Variants in CLYBL observed in about 807,000 individuals in gnomAD.
CLYBL encodes citramalyl-CoA lyase, mitochondrial.
In CLYBL, 31 loss-of-function variants were observed where a neutral mutation model predicts 38.9. The ratio of observed to expected loss-of-function variants is 0.80; its 90% CI spans 0.60 to 1.08. The LOEUF (loss-of-function observed/expected upper bound fraction) is 1.08. Ranked by LOEUF, CLYBL falls within the 50% of genes least tolerant of loss-of-function variation. The pLI, the probability that CLYBL is intolerant of heterozygous loss-of-function variation, is 0.00. For missense variants in CLYBL, 434 were observed against 411.6 expected (o/e 1.05, Z -0.47); for synonymous variants, 171 against 158.6 (o/e 1.08, Z -0.59).
intron 2 of CLYBL, among the ~76,000 whole-genome samples, chr13:99,786,513 A>G (rs567922188): frequency 1.1e-4 from 17 of 152,034 alleles, no homozygotes; most frequent in South Asian, 4.1e-4. Flanking sequence ...AGCTTCATCC[A>G]TGTCCCTACA....
Position 99,754,782 on chromosome 13 carries a change from C to T in CLYBL, c.63-18042C>T, listed in dbSNP as rs552582833. 5.7e-4 allele frequency among the ~76,000 whole-genome samples: 75 copies of T among 131,242 alleles called. 1 individual carries two copies. The highest frequency in any genetic ancestry group is 2.5e-3 in the East Asian group (11 of 4,332). 86.1% of individuals were successfully genotyped at this position (131,242 alleles called of 152,430 possible). A position where few individuals can be genotyped will look rare whatever the true frequency, so the allele number is the denominator to read the frequency against. On this transcript the variant is annotated intron_variant, in intron 1 of 8. Coordinates refer to ENST00000339105, the MANE Select transcript of CLYBL (RefSeq NM_206808.5). ...TTTTTTTTTGTATTATTAGTAGAGA[C>T]GGGGTTTTACCGTGTTGGCCAGACT...
chr13:99,891,731 TGG>T (rs2052495404), intron 8 of CLYBL: 1 of 236,676 alleles, frequency 4.2e-6, no homozygotes, highest in Non-Finnish European at 8.2e-6. Context: ...TTTAATGAAA[TGG>T]ATCTTTCCCA....
chr13:99,669,662 T>TC (rs2047535866), intron 1 of CLYBL, among the ~76,000 whole-genome samples: 1 of 152,164 alleles, frequency 6.6e-6, no homozygotes, highest in African/African-American at 2.4e-5. Context: ...TCTTTTTCAT[T>TC]TCCCATGAAG....
At chr13:99,772,713 A>G (rs2049421990) in intron 1 of CLYBL, 111 bp from the exon 2 acceptor site, 1 of 941,694 alleles carries the variant, frequency 1.1e-6, no homozygotes, top group African/African-American at 1.7e-5. Context: ...ATAAAAATAA[A>G]AAAAGATTAT....
intron 1 of CLYBL, among the ~76,000 whole-genome samples, chr13:99,697,489 C>T (rs575128953): frequency 1.3e-5 from 2 of 151,836 alleles, no homozygotes; most frequent in South Asian, 2.1e-4. Flanking sequence ...TGATTCTCCC[C>T]ACTCAGTAGC....
intron 2 of CLYBL, among the ~76,000 whole-genome samples, chr13:99,811,288 C>A (rs1222576884): frequency 1.3e-5 from 2 of 152,128 alleles, no homozygotes; most frequent in East Asian, 3.9e-4. Flanking sequence ...CCTAGGAGAC[C>A]AAAAATGCAT....
At chr13:99,864,391 A>G (rs1594231119) in intron 4 of CLYBL, among the ~76,000 whole-genome samples, 1 of 152,300 alleles carries the variant, frequency 6.6e-6, no homozygotes, top group East Asian at 1.9e-4. Context: ...GCTGTCTTTA[A>G]TCCTGAGACC....
chr13:99,909,222 C>G (rs9582353), exon 10 of CLYBL, among the ~76,000 whole-genome samples: 1 of 152,214 alleles, frequency 6.6e-6, no homozygotes, highest in Non-Finnish European at 1.5e-5. Context: ...CACGAAGACT[C>G]TGTTATTAGA....
intron 2 of CLYBL, among the ~76,000 whole-genome samples, chr13:99,805,577 GA>G (rs941048259): frequency 1.3e-5 from 2 of 152,034 alleles, no homozygotes; most frequent in African/African-American, 4.8e-5. Context: ...TGGGAGGAAG[GA>G]GGGGGTGGGG....
chr13:99,747,389 C>G (rs1472555248), intron 1 of CLYBL, among the ~76,000 whole-genome samples: 1 of 151,838 alleles, frequency 6.6e-6, no homozygotes, highest in Non-Finnish European at 1.5e-5. Flanking sequence ...TCCTCCTTGC[C>G]TCCTGCCGCT....
intron 2 of CLYBL, among the ~76,000 whole-genome samples, chr13:99,808,294 C>T (rs2050272232): frequency 6.6e-6 from 1 of 152,202 alleles, no homozygotes; most frequent in South Asian, 2.1e-4. Flanking sequence ...CTGTGTTGCC[C>T]AGACTGGTCT....
At chr13:99,635,469 T>G (rs112604229) in intron 1 of CLYBL, among the ~76,000 whole-genome samples, 29 of 152,176 alleles carry the variant, frequency 1.9e-4, no homozygotes, top group African/African-American at 6.3e-4. Flanking sequence ...TGAGGTCAGG[T>G]CTGGCCATTC....
intron 1 of CLYBL, among the ~76,000 whole-genome samples, chr13:99,763,818 G>T (rs1181979438): frequency 6.6e-6 from 1 of 152,134 alleles, no homozygotes; most frequent in Non-Finnish European, 1.5e-5. Flanking sequence ...CTCCCAAAGT[G>T]CTGGGATTAC....
chr13:99,692,522 G>T (rs1397761020), intron 1 of CLYBL, among the ~76,000 whole-genome samples: 1 of 151,970 alleles, frequency 6.6e-6, no homozygotes, highest in Non-Finnish European at 1.5e-5. Context: ...TTGATCTCCT[G>T]ACCTTATGAT....
intron 2 of CLYBL, among the ~76,000 whole-genome samples, chr13:99,805,524 C>G (rs982291218): frequency 1.3e-5 from 2 of 151,886 alleles, no homozygotes; most frequent in African/African-American, 4.8e-5. Context: ...CTTCTACCAT[C>G]CCAGTGTGCC....
intron 1 of CLYBL, among the ~76,000 whole-genome samples, chr13:99,631,881 G>C (rs1283458110): frequency 6.6e-6 from 1 of 152,128 alleles, no homozygotes; most frequent in Non-Finnish European, 1.5e-5. Context: ...GATTACAGGC[G>C]TGAGCCACCG....
At chr13:99,856,014 A>C (rs944817535) in intron 2 of CLYBL, among the ~76,000 whole-genome samples, 1 of 152,188 alleles carries the variant, frequency 6.6e-6, no homozygotes, top group Non-Finnish European at 1.5e-5. Context: ...TCTGAGCCAA[A>C]ATTTTTTAAA....
At chr13:99,820,999 A>G (rs867451741) in intron 2 of CLYBL, among the ~76,000 whole-genome samples, 3 of 152,248 alleles carry the variant, frequency 2.0e-5, no homozygotes, top group Admixed American at 6.5e-5. Context: ...ACAAAATGCA[A>G]TGAGTGCCCA....
At chr13:99,781,948 C>T (rs2049664591) in intron 2 of CLYBL, among the ~76,000 whole-genome samples, 1 of 152,222 alleles carries the variant, frequency 6.6e-6, no homozygotes, top group African/African-American at 2.4e-5. Flanking sequence ...AACTTTAAAT[C>T]CAGTTATTTC....
Sources: allele counts gnomAD v4.1 joint callset (sites outside exome capture counted in the v4.1 genomes callset), GRCh38; gene constraint gnomAD v4.1.1; transcripts MANE v1.5; gene names NCBI Gene and HGNC (gene_info 2026-07-23, HGNC 2026-07-21).